Variants in PSPC1 observed in about 807,000 individuals in gnomAD.
PSPC1 encodes the protein paraspeckle protein 1.
A neutral mutation model predicts 51.6 loss-of-function variants in PSPC1; 14 were observed. That is an observed-to-expected ratio of 0.27 (90% CI 0.18 to 0.42). The LOEUF (loss-of-function observed/expected upper bound fraction) is 0.42, where lower values mean the gene tolerates loss of function less well. Among genes scored for constraint, PSPC1 ranks in the 10% least tolerant of loss-of-function variants. The pLI is 1.00. For missense variants in PSPC1, 406 were observed against 701.1 expected (o/e 0.58, Z 4.75); for synonymous variants, 193 against 231.9 (o/e 0.83, Z 1.53).
chr13:19,744,777 C>A (rs1007640131), intron 4 of PSPC1, among the ~76,000 whole-genome samples: 3 of 152,128 alleles, frequency 2.0e-5, no homozygotes, highest in African/African-American at 7.2e-5. Flanking sequence ...CTTGGCCAGG[C>A]TGGTCTTGAA....
intron 6 of PSPC1, among the ~76,000 whole-genome samples, chr13:19,690,361 C>T (rs1391324831): frequency 6.6e-6 from 1 of 152,190 alleles, no homozygotes; most frequent in African/African-American, 2.4e-5. Context: ...CTACATTTTG[C>T]TAGAAGACCC....
intron 6 of PSPC1, among the ~76,000 whole-genome samples, chr13:19,688,029 T>C (rs1878125260): frequency 6.6e-6 from 1 of 152,102 alleles, no homozygotes; most frequent in African/African-American, 2.4e-5. Flanking sequence ...TATAGCTCAT[T>C]TGAAGTTGAT....
chr13:19,772,438 C>G lies in PSPC1; in HGVS notation c.478G>C (p.Val160Leu), dbSNP rs1327617821. ...GAAACAACTGGAGAAAGGTTCTTGA[C>G]AGTCAAGGCTGCTCCATGTGTAGCG... is the stretch of plus-strand genomic sequence containing the variant. ...RFATHGAALT[V>L]KNLSPVVSNE... Residue 160 changes from valine to leucine, a missense_variant, in exon 2 of 9, where the codon GTC (valine) becomes CTC (leucine). By Grantham distance (32) the Val-to-Leu change is conservative (BLOSUM62 1). Transcript: ENST00000338910. 6.2e-7 allele frequency: 1 copy of G among 1,614,256 alleles called. No individual in the cohort carries two copies. The highest frequency in any genetic ancestry group is 1.7e-5 in the Admixed American group (1 of 60,022).
chr13:19,712,364 A>G (rs1303967653), intron 6 of PSPC1, among the ~76,000 whole-genome samples: 1 of 152,166 alleles, frequency 6.6e-6, no homozygotes, highest in East Asian at 1.9e-4. Flanking sequence ...TTGGCCTATG[A>G]TTCACTGGCA....
chr13:19,730,961 A>AAAAAC lies in PSPC1; in HGVS notation c.1053-618_1053-617insGTTTT, dbSNP rs1441202332. Among the ~76,000 whole-genome samples the AAAAAC allele has an allele frequency of 6.9e-3, 163 of 23,584 alleles. 2 individuals carry two copies. Among genetic ancestry groups the AAAAAC allele is most frequent in the African/African-American group, 0.012 (160 of 13,260 alleles). 15.5% of individuals were successfully genotyped at this position (23,584 alleles called of 152,430 possible). ...CCCTGTCTCAGAAAAAAAAAACAAA[A>AAAAAC]AAACAAAAAAAAAAAAAACAGAAAA... On this transcript the variant is annotated intron_variant, in intron 5 of 8. Coordinates refer to ENST00000338910, the MANE Select transcript of PSPC1 (RefSeq NM_001354909.2).
intron 2 of PSPC1, among the ~76,000 whole-genome samples, chr13:19,770,507 G>GCC (rs1259298259): frequency 5.3e-5 from 8 of 152,048 alleles, no homozygotes; most frequent in African/African-American, 1.7e-4. Context: ...AAAAATACGG[G>GCC]CCAGGCATGG....
chr13:19,763,340 T>C (rs892083805), intron 2 of PSPC1, among the ~76,000 whole-genome samples: 1 of 152,106 alleles, frequency 6.6e-6, no homozygotes, highest in African/African-American at 2.4e-5. Context: ...TTTTTGCAAA[T>C]ATAAGTATAT....
intron 6 of PSPC1, among the ~76,000 whole-genome samples, chr13:19,680,269 C>A (rs1371375229): frequency 1.3e-5 from 2 of 152,220 alleles, no homozygotes; most frequent in African/African-American, 2.4e-5. Flanking sequence ...CCAGCCTCAG[C>A]CTCCCAAAGT....
At chr13:19,675,591 A>G (rs773747328) in intron 7 of PSPC1, 1 of 140,800 alleles carries the variant, frequency 7.1e-6, no homozygotes, top group Non-Finnish European at 1.6e-5. Flanking sequence ...ATGAAGAAAG[A>G]TTTGTTTTCT....
chr13:19,680,901 T>C (rs1369760754), intron 6 of PSPC1, among the ~76,000 whole-genome samples: 1 of 152,190 alleles, frequency 6.6e-6, no homozygotes, highest in Non-Finnish European at 1.5e-5. Flanking sequence ...ACACATACTT[T>C]TCTATGACTT....
rs144692281 is a variant in PSPC1 at position 19,719,458 on chromosome 13, G to A, written c.1159-9859C>T. ...TAGCTGGAACTACAGTCATGCCACC[G>A]CACCCAGCTAATTACATCTTAATTT... On this transcript the variant is annotated intron_variant, in intron 6 of 8. Coordinates refer to ENST00000338910, the MANE Select transcript of PSPC1 (RefSeq NM_001354909.2). 1.0e-3 allele frequency among the ~76,000 whole-genome samples: 158 copies of A among 152,046 alleles called. 2 individuals carry two copies. In the East Asian group the frequency reaches 0.027, roughly 26 times the overall value.
At chr13:19,771,497 A>G (rs1189883514) in intron 2 of PSPC1, among the ~76,000 whole-genome samples, 1 of 152,010 alleles carries the variant, frequency 6.6e-6, no homozygotes, top group Non-Finnish European at 1.5e-5. Context: ...GTAGAGTGGC[A>G]TGATCTGGGA....
intron 5 of PSPC1, among the ~76,000 whole-genome samples, chr13:19,738,961 T>C (rs1254509156): frequency 6.6e-6 from 1 of 151,444 alleles, no homozygotes; most frequent in African/African-American, 2.4e-5. Context: ...TGTTAGTATA[T>C]ACACAATTTT....
At chr13:19,700,322 G>A (rs960582912), downstream of PSPC1, among the ~76,000 whole-genome samples, 1 of 152,016 alleles carries the variant, frequency 6.6e-6, no homozygotes, top group African/African-American at 2.4e-5. Context: ...CACTGTCCTT[G>A]TTTACAATTC....
At chr13:19,765,183 G>A (rs918096961) in intron 2 of PSPC1, among the ~76,000 whole-genome samples, 2 of 151,672 alleles carry the variant, frequency 1.3e-5, no homozygotes, top group Non-Finnish European at 2.9e-5. Flanking sequence ...AGTTAGCTGG[G>A]TGTGGTGGTG....
At chr13:19,732,086 T>C (rs957737449) in intron 5 of PSPC1, among the ~76,000 whole-genome samples, 4 of 152,164 alleles carry the variant, frequency 2.6e-5, no homozygotes, top group Admixed American at 6.5e-5. Flanking sequence ...TTCAAAGATA[T>C]GGTGATTTCT....
downstream of PSPC1, chr13:19,674,539 G>A (rs1043824371): frequency 1.3e-5 from 2 of 152,092 alleles, no homozygotes; most frequent in African/African-American, 4.8e-5. Flanking sequence ...GAAGCTGACT[G>A]TTTGTTTGTT....
At chr13:19,772,208 T>G (rs1211411309) in intron 2 of PSPC1, 34 bp downstream of exon 2, 1 of 1,587,590 alleles carries the variant, frequency 6.3e-7, no homozygotes, top group Non-Finnish European at 8.6e-7. Context: ...CATATGTAAC[T>G]GGATAGAAGA....
downstream of PSPC1, chr13:19,672,835 C>T: frequency 3.2e-6 from 1 of 309,694 alleles, no homozygotes; most frequent in Non-Finnish European, 6.4e-6. Flanking sequence ...CGTGGTGGCT[C>T]ACACCTATAA....
Sources: allele counts gnomAD v4.1 joint callset (sites outside exome capture counted in the v4.1 genomes callset), GRCh38; gene constraint gnomAD v4.1.1; transcripts MANE v1.5; gene names NCBI Gene and HGNC (gene_info 2026-07-23, HGNC 2026-07-21).